Variants in MAD1L1 observed in about 807,000 individuals in gnomAD.
MAD1L1 encodes mitotic arrest deficient 1 like 1.
In MAD1L1, 95 loss-of-function variants were observed where a neutral mutation model predicts 96.9. The ratio of observed to expected loss-of-function variants is 0.98; its 90% confidence interval spans 0.83 to 1.16. MAD1L1 has a LOEUF of 1.16. Ranked by LOEUF, MAD1L1 falls within the 50% of genes most tolerant of loss-of-function variation. The probability of loss-of-function intolerance (pLI) is 0.00; values close to 1 mark genes in which losing one functional copy is unlikely to be tolerated. For missense variants in MAD1L1, 1,007 were observed against 954.4 expected (o/e 1.06, Z -0.73); for synonymous variants, 473 against 396.6 (o/e 1.19, Z -2.29).
intron 14 of MAD1L1, among the ~76,000 whole-genome samples, chr7:1,982,217 A>T (rs1780938308): frequency 6.6e-6 from 1 of 151,698 alleles, no homozygotes; most frequent in Non-Finnish European, 1.5e-5. Context: ...ATATACATAA[A>T]TATACATATA....
rs192082847 is a variant in MAD1L1 at position 2,135,297 on chromosome 7, C to T, written c.1073+13855G>A. Among the ~76,000 whole-genome samples, 114 of 152,220 alleles carry T rather than the reference C, an allele frequency of 7.5e-4. 1 individual carries two copies. The Middle Eastern group carries it at 0.01, about 14-fold the overall frequency. On this transcript the variant is annotated intron_variant, in intron 11 of 18. Coordinates refer to ENST00000265854, the MANE Select transcript of MAD1L1 (RefSeq NM_001013836.2). ...AAAAGAAGAGACCGTGGCAGATGGA[C>T]GCAGACACGAGATGCTCCCATCTTC...
chr7:1,899,109 A>T (rs1158459031), intron 17 of MAD1L1, among the ~76,000 whole-genome samples: 2 of 152,212 alleles, frequency 1.3e-5, no homozygotes, highest in African/African-American at 4.8e-5. Context: ...CATGGCTCTA[A>T]GTGACTATTC....
intron 12 of MAD1L1, among the ~76,000 whole-genome samples, chr7:2,063,695 G>T (rs551392728): frequency 1.3e-5 from 2 of 152,184 alleles, no homozygotes; most frequent in African/African-American, 4.8e-5. Flanking sequence ...AAATCGCTGC[G>T]CAGCCTGGGC....
At chr7:2,047,192 T>TA (rs1783962612) in intron 12 of MAD1L1, among the ~76,000 whole-genome samples, 1 of 152,130 alleles carries the variant, frequency 6.6e-6, no homozygotes, top group African/African-American at 2.4e-5. Context: ...TGAGCTGACC[T>TA]AAGGCAAAGC....
At position 2,002,434 on chromosome 7, in the gene MAD1L1, C is replaced by T. The variant is rs1048111559; in HGVS notation, c.1360-313G>A. Among the ~76,000 whole-genome samples the T allele has an allele frequency of 2.6e-5, 4 of 152,212 alleles. No homozygotes were observed. The East Asian group carries it at 5.8e-4, about 22-fold the overall frequency. ...TGTGAATGGGGTGGACAGGGGTGGG[C>T]CCAAGAGGGACTGTGGAACTGGGGA... On this transcript the variant is annotated intron_variant, in intron 13 of 18. Coordinates refer to ENST00000265854, the MANE Select transcript of MAD1L1 (RefSeq NM_001013836.2).
In MAD1L1 at chr7:1,924,554, C is replaced by T. The variant is rs550042718; in HGVS notation, c.1807+12133G>A. Among the ~76,000 whole-genome samples the T allele has an allele frequency of 4.6e-5, 7 of 152,274 alleles. No homozygotes were observed. The East Asian group carries it at 1.2e-3, about 25-fold the overall frequency. On this transcript the variant is annotated intron_variant, in intron 17 of 18. Transcript: ENST00000265854. ...ATCCAGCAATGGTATCCTTCAGTAA[C>T]GAGGTGGGGTGAGGACACTGCTGGG... is the stretch of plus-strand genomic sequence containing the variant.
chr7:2,042,360 C>T (rs1217356402), intron 12 of MAD1L1, among the ~76,000 whole-genome samples: 1 of 152,210 alleles, frequency 6.6e-6, no homozygotes, highest in East Asian at 1.9e-4. Context: ...CATGGGCACA[C>T]AGGCACAAGG....
intron 10 of MAD1L1, among the ~76,000 whole-genome samples, chr7:2,186,871 G>A (rs1050583355): frequency 2.0e-5 from 3 of 150,668 alleles, no homozygotes; most frequent in African/African-American, 4.9e-5. Flanking sequence ...TCAGCTCACT[G>A]CAAGCTCCAC....
rs535719464 is a variant in MAD1L1 at position 1,913,265 on chromosome 7, T to C, written c.1808-14875A>G. On this transcript the variant is annotated intron_variant, in intron 17 of 18. Coordinates refer to ENST00000265854, the MANE Select transcript of MAD1L1 (RefSeq NM_001013836.2). Reference sequence around the variant, plus strand: ...ATTGGAGCAGCCAGACACAGGGCTCTGGAAGGAGAGGGGCAAGGAGCAGGG... The same window carrying C: ...ATTGGAGCAGCCAGACACAGGGCTCCGGAAGGAGAGGGGCAAGGAGCAGGG... 4.0e-5 allele frequency among the ~76,000 whole-genome samples: 6 copies of C among 149,820 alleles called. No individual in the cohort carries two copies. In the South Asian group the frequency reaches 1.3e-3, roughly 32 times the overall value.
At chr7:2,199,125 G>A (rs940074366) in intron 10 of MAD1L1, among the ~76,000 whole-genome samples, 5 of 152,220 alleles carry the variant, frequency 3.3e-5, no homozygotes, top group Admixed American at 6.5e-5. Context: ...CCACCTGCAC[G>A]GAGATGCCCC....
chr7:1,934,403 C>A (rs2128462604), intron 17 of MAD1L1, among the ~76,000 whole-genome samples: 1 of 152,236 alleles, frequency 6.6e-6, no homozygotes, highest in African/African-American at 2.4e-5. Context: ...GGCAGAGACC[C>A]AGACAACAAG....
chr7:2,076,254 C>G (rs766883976), intron 11 of MAD1L1, among the ~76,000 whole-genome samples: 2 of 152,230 alleles, frequency 1.3e-5, no homozygotes, highest in Non-Finnish European at 2.9e-5. Flanking sequence ...TGTGAAAACC[C>G]AGATCCCCAA....
chr7:1,839,245 G>A (rs1353823508), intron 18 of MAD1L1, among the ~76,000 whole-genome samples: 5 of 152,252 alleles, frequency 3.3e-5, no homozygotes, highest in East Asian at 3.9e-4. Flanking sequence ...GGGCTTGCCC[G>A]GGGTCGAGGT....
At chr7:2,211,367 C>T (rs944651727) in intron 10 of MAD1L1, among the ~76,000 whole-genome samples, 2 of 152,222 alleles carry the variant, frequency 1.3e-5, no homozygotes, top group African/African-American at 4.8e-5. Context: ...GATGCGGGAA[C>T]AGGGCTGAAA....
chr7:2,190,760 C>T (rs1791680169), intron 10 of MAD1L1, among the ~76,000 whole-genome samples: 1 of 152,206 alleles, frequency 6.6e-6, no homozygotes, highest in African/African-American at 2.4e-5. Flanking sequence ...AAATACCGCA[C>T]ACACCCACCA....
chr7:1,921,476 C>T (rs993315991), intron 17 of MAD1L1, among the ~76,000 whole-genome samples: 1 of 152,078 alleles, frequency 6.6e-6, no homozygotes, highest in African/African-American at 2.4e-5. Flanking sequence ...AGACACCCTC[C>T]CGCCACGCCT....
chr7:1,897,526 G>A (rs545343250), intron 18 of MAD1L1, among the ~76,000 whole-genome samples: 16 of 152,346 alleles, frequency 1.1e-4, no homozygotes, highest in African/African-American at 3.8e-4. Flanking sequence ...AGCCCCTGTT[G>A]CCCTGGGTCT....
rs577277453 is a variant in MAD1L1, at chr7:1,816,215, G to A, written c.2012C>T (p.Ser671Leu). The A allele has an allele frequency of 1.2e-5, 19 of 1,612,544 alleles. No individual in the cohort carries two copies. The highest frequency in any genetic ancestry group is 6.7e-5 in the African/African-American group (5 of 74,776). Reference protein sequence around the residue: ...DCLIFKATSPSGSKMQLLETE... With the variant: ...DCLIFKATSPLGSKMQLLETE... ...CTCCAGTAGCTGCATCTTGGAACCC[G>A]AGGGGCTGGTGGCCTGCGGGGCAGT... Residue 671 changes from serine (S) to leucine (L), a missense_variant, in exon 19 of 19, where the codon TCG becomes TTG. By Grantham distance (145) the Ser-to-Leu change is moderately radical (BLOSUM62 -2). Transcript: ENST00000265854.
intron 18 of MAD1L1, among the ~76,000 whole-genome samples, chr7:1,867,855 A>C (rs1784853217): frequency 6.6e-6 from 1 of 152,248 alleles, no homozygotes; most frequent in Non-Finnish European, 1.5e-5. Context: ...CGACTTATTA[A>C]AAATAAATGG....
Sources: gnomAD v4.1 joint callset for allele counts (sites outside exome capture counted in the v4.1 genomes callset) on GRCh38, gnomAD v4.1.1 for gene constraint, MANE v1.5 for transcripts, NCBI Gene and HGNC (gene_info 2026-07-23, HGNC 2026-07-21) for gene names.